SRPK2: variants seen among roughly 807,000 people sequenced by gnomAD.
SRPK2 encodes SRSF protein kinase 2.
A neutral mutation model predicts 90.8 loss-of-function variants in SRPK2; 21 were observed. The observed-to-expected ratio is 0.23, with a 90% CI of 0.16 to 0.33. The LOEUF is 0.33. Among genes scored for constraint, SRPK2 ranks in the 10% least tolerant of loss-of-function variants. The pLI is 1.00. For synonymous variants in SRPK2, 288 were observed against 311.1 expected (o/e 0.93, Z 0.78); for missense variants, 620 against 869.0 (o/e 0.71, Z 3.60).
intron 1 of SRPK2, among the ~76,000 whole-genome samples, chr7:105,395,985 G>A (rs949444277): frequency 6.6e-5 from 10 of 151,722 alleles, no homozygotes; most frequent in South Asian, 4.2e-4. Context: ...ACATGATGTC[G>A]GCTCACCGCA....
chr7:105,199,459 C>A (rs1224832211), intron 3 of SRPK2, among the ~76,000 whole-genome samples: 2 of 152,134 alleles, frequency 1.3e-5, no homozygotes, highest in Non-Finnish European at 2.9e-5. Context: ...AAAGCTCTCT[C>A]CCCTTCCCAT....
At chr7:105,223,809 T>C (rs972982693) in intron 2 of SRPK2, among the ~76,000 whole-genome samples, 5 of 152,210 alleles carry the variant, frequency 3.3e-5, no homozygotes, top group Non-Finnish European at 7.3e-5. Context: ...GAAATAAAAG[T>C]ATAAAATACC....
chr7:105,394,148 T>TC (rs1295819270), upstream of SRPK2, among the ~76,000 whole-genome samples: 1 of 149,692 alleles, frequency 6.7e-6, no homozygotes, highest in African/African-American at 2.4e-5. Flanking sequence ...TTTCTTTCTT[T>TC]TTTTTTTTTT....
At chr7:105,335,914 C>T (rs1167809890) in intron 2 of SRPK2, among the ~76,000 whole-genome samples, 1 of 151,760 alleles carries the variant, frequency 6.6e-6, no homozygotes, top group Non-Finnish European at 1.5e-5. Context: ...CGAGGTCATG[C>T]CATTGCATTC....
intron 2 of SRPK2, among the ~76,000 whole-genome samples, chr7:105,230,656 G>A (rs1799312166): frequency 6.6e-6 from 1 of 152,172 alleles, no homozygotes; most frequent in Non-Finnish European, 1.5e-5. Context: ...CATATACACA[G>A]ATAAAGGAAT....
intron 4 of SRPK2, 123 bp from the exon 5 acceptor site, chr7:105,168,218 C>CATAAA (rs1374859597): frequency 1.4e-6 from 1 of 729,968 alleles, no homozygotes; most frequent in Non-Finnish European, 2.3e-6. Context: ...AAACCTAAAA[C>CATAAA]ATTATGAGTG....
intron 2 of SRPK2, among the ~76,000 whole-genome samples, chr7:105,353,037 ATC>A (rs1037039557): frequency 6.6e-6 from 1 of 152,126 alleles, no homozygotes; most frequent in African/African-American, 2.4e-5. Context: ...TTACCTGCCT[ATC>A]TCTGAGACTA....
chr7:105,267,422 T>C (rs1380667137), intron 2 of SRPK2, among the ~76,000 whole-genome samples: 1 of 152,170 alleles, frequency 6.6e-6, no homozygotes, highest in Non-Finnish European at 1.5e-5. Context: ...CACCACCCTC[T>C]TCTACCCTTC....
intron 7 of SRPK2, among the ~76,000 whole-genome samples, chr7:105,159,453 A>AAAAAAAAAAAAAC: frequency 1.4e-5 from 2 of 138,462 alleles, no homozygotes; most frequent in African/African-American, 2.6e-5. Context: ...GTCTCCAAAA[A>AAAAAAAAAAAAAC]AAAAAAAAAA....
chr7:105,151,658 T>C lies in SRPK2; in HGVS notation c.622-5000A>G, dbSNP rs142449340. On this transcript the variant is annotated intron_variant, in intron 7 of 15. Transcript: ENST00000393651. ...AGCTTCTGGCCTCAAGTGATCCTCT[T>C]GCTTCAGCCTCCCAAGTGGCTGGGA... is the stretch of plus-strand genomic sequence containing the variant. Among the ~76,000 whole-genome samples, 465 of 152,280 alleles carry C rather than the reference T, an allele frequency of 3.1e-3. 14 individuals are homozygous for C. The East Asian group carries it at 0.062, about 20-fold the overall frequency.
At chr7:105,374,321 TC>T (rs780169776) in intron 2 of SRPK2, among the ~76,000 whole-genome samples, 4 of 152,208 alleles carry the variant, frequency 2.6e-5, no homozygotes, top group Non-Finnish European at 5.9e-5. Context: ...TCTCTTCATG[TC>T]CCATAGTTAA....
chr7:105,242,927 C>T (rs1190003486), intron 2 of SRPK2, among the ~76,000 whole-genome samples: 1 of 152,222 alleles, frequency 6.6e-6, no homozygotes, highest in Non-Finnish European at 1.5e-5. Flanking sequence ...AAATATAAAT[C>T]TACTTCTGTA....
chr7:105,198,638 G>C (rs917280026), intron 3 of SRPK2, among the ~76,000 whole-genome samples: 1 of 152,114 alleles, frequency 6.6e-6, no homozygotes, highest in Non-Finnish European at 1.5e-5. Flanking sequence ...ACAGCATGAA[G>C]TACAGATGAG....
intron 2 of SRPK2, among the ~76,000 whole-genome samples, chr7:105,261,118 AT>A (rs1199151909): frequency 6.6e-6 from 1 of 152,006 alleles, no homozygotes; most frequent in Admixed American, 6.6e-5. Context: ...GTAAATGACT[AT>A]GCTTTAATGT....
chr7:105,118,075 C>T (rs1799812087), intron 15 of SRPK2, 53 bp from the exon 16 acceptor site: 2 of 1,592,600 alleles, frequency 1.3e-6, no homozygotes, highest in Non-Finnish European at 1.7e-6. Context: ...CTGCATTCCC[C>T]ATTGTTGGTC....
At chr7:105,210,650 G>C (rs1431241416) in intron 2 of SRPK2, among the ~76,000 whole-genome samples, 1 of 152,194 alleles carries the variant, frequency 6.6e-6, no homozygotes, top group Non-Finnish European at 1.5e-5. Context: ...AGTATGGGTA[G>C]ATCTGTGAGT....
chr7:105,279,898 A>G (rs993641410), intron 2 of SRPK2, among the ~76,000 whole-genome samples: 3 of 152,234 alleles, frequency 2.0e-5, no homozygotes, highest in Admixed American at 1.3e-4. Flanking sequence ...GTGAAACCCA[A>G]TGCTGTGTTC....
At chr7:105,214,367 A>C (rs1044074937) in intron 2 of SRPK2, among the ~76,000 whole-genome samples, 8 of 152,228 alleles carry the variant, frequency 5.3e-5, no homozygotes, top group Non-Finnish European at 7.3e-5. Context: ...CAGTAAAATG[A>C]TAAACAGTCA....
At chr7:105,286,744 G>T (rs890932389) in intron 2 of SRPK2, among the ~76,000 whole-genome samples, 2 of 152,158 alleles carry the variant, frequency 1.3e-5, no homozygotes, top group Non-Finnish European at 2.9e-5. Flanking sequence ...CAAACAATTA[G>T]TCAATCATGC....
Sources: gnomAD v4.1 joint callset for allele counts (sites outside exome capture counted in the v4.1 genomes callset) on GRCh38, gnomAD v4.1.1 for gene constraint, MANE v1.5 for transcripts, NCBI Gene and HGNC (gene_info 2026-07-23, HGNC 2026-07-21) for gene names.